The following ERBB4 variants were observed in gnomAD, a reference collection of about 807,000 sequenced individuals.
ERBB4 encodes receptor tyrosine-protein kinase erbB-4.
Under a neutral mutation model 158.0 loss-of-function variants are expected in ERBB4, and 42 were observed. That is an observed-to-expected ratio of 0.27 (90% CI 0.21 to 0.34). ERBB4 has a LOEUF of 0.34. ERBB4 is among the 10% of genes least tolerant of loss of function. The probability of loss-of-function intolerance (pLI) is 1.00; values close to 1 mark genes in which losing one functional copy is unlikely to be tolerated. For synonymous variants in ERBB4, 583 were observed against 558.7 expected (o/e 1.04, Z -0.61); for missense variants, 1,333 against 1,624.1 (o/e 0.82, Z 3.08).
intron 20 of ERBB4, among the ~76,000 whole-genome samples, chr2:211,538,785 C>G (rs2066721729): frequency 1.3e-5 from 2 of 151,750 alleles, no homozygotes; most frequent in Non-Finnish European, 2.9e-5. Flanking sequence ...GATGTGACAT[C>G]CAGGGAATCT....
chr2:211,451,721 A>G (rs768402951), intron 20 of ERBB4, among the ~76,000 whole-genome samples: 1 of 152,206 alleles, frequency 6.6e-6, no homozygotes, highest in African/African-American at 2.4e-5. Context: ...AGACCTTCCA[A>G]TAAGAAGGGT....
chr2:212,495,539 C>CA (rs1283555652), intron 1 of ERBB4, among the ~76,000 whole-genome samples: 6 of 152,150 alleles, frequency 3.9e-5, no homozygotes, highest in Admixed American at 6.6e-5. Flanking sequence ...TTTGTATTGA[C>CA]AAAAAAAGTA....
intron 4 of ERBB4, among the ~76,000 whole-genome samples, chr2:211,765,635 A>T (rs985981575): frequency 1.3e-5 from 2 of 152,182 alleles, no homozygotes; most frequent in African/African-American, 4.8e-5. Context: ...ATACAACTAT[A>T]AGGACCCTTA....
intron 1 of ERBB4, among the ~76,000 whole-genome samples, chr2:212,441,613 T>A (rs181621414): frequency 2.6e-5 from 4 of 152,220 alleles, no homozygotes; most frequent in African/African-American, 9.6e-5. Flanking sequence ...GGAAGGAACA[T>A]AGAGTTGGAT....
At chr2:212,531,514 A>T (rs1304857295) in intron 1 of ERBB4, among the ~76,000 whole-genome samples, 1 of 152,224 alleles carries the variant, frequency 6.6e-6, no homozygotes, top group East Asian at 1.9e-4. Flanking sequence ...TTATCATTTC[A>T]TGTCATATCT....
intron 2 of ERBB4, among the ~76,000 whole-genome samples, chr2:211,950,033 G>A (rs559651168): frequency 1.3e-5 from 2 of 152,130 alleles, no homozygotes; most frequent in South Asian, 2.1e-4. Context: ...TATCACTCCG[G>A]CCCTTCTCTG....
chr2:211,473,208 G>C (rs1242050895), intron 20 of ERBB4, among the ~76,000 whole-genome samples: 2 of 151,980 alleles, frequency 1.3e-5, no homozygotes, highest in Admixed American at 1.3e-4. Context: ...TGTGAAGATA[G>C]AGGCAAAGAT....
chr2:212,015,258 A>G (rs1180863007), intron 2 of ERBB4, among the ~76,000 whole-genome samples: 3 of 150,118 alleles, frequency 2.0e-5, no homozygotes, highest in Non-Finnish European at 3.0e-5. Context: ...AGAGCGAGAC[A>G]CTGTCTCAAT....
intron 2 of ERBB4, among the ~76,000 whole-genome samples, chr2:211,979,195 G>A (rs2081719915): frequency 6.6e-6 from 1 of 152,150 alleles, no homozygotes; most frequent in Non-Finnish European, 1.5e-5. Flanking sequence ...CATGAGTTAT[G>A]TTTATACAAA....
At chr2:211,431,185 T>G in intron 20 of ERBB4, 85 bp from the exon 21 acceptor site, 2 of 1,243,862 alleles carry the variant, frequency 1.6e-6, no homozygotes, top group Non-Finnish European at 2.3e-6. Context: ...TAGCCTTCAG[T>G]TGGAAGTGCC....
At chr2:211,549,817 C>A (rs113088336) in intron 20 of ERBB4, among the ~76,000 whole-genome samples, 3 of 152,242 alleles carry the variant, frequency 2.0e-5, no homozygotes, top group African/African-American at 7.2e-5. Context: ...GGGAGTGAAC[C>A]AGCAGTACCT....
intron 4 of ERBB4, among the ~76,000 whole-genome samples, chr2:211,787,300 GA>G (rs1384361451): frequency 6.6e-6 from 1 of 152,116 alleles, no homozygotes; most frequent in East Asian, 1.9e-4. Flanking sequence ...CCTGCTTTAT[GA>G]AAATGAAACA....
At chr2:212,397,344 G>A (rs1045180862) in intron 1 of ERBB4, among the ~76,000 whole-genome samples, 8 of 152,022 alleles carry the variant, frequency 5.3e-5, no homozygotes, top group East Asian at 3.9e-4. Context: ...ATGGTGGCAC[G>A]CTCCTGCAGT....
chr2:211,617,799 A>T (rs1391638824), intron 19 of ERBB4, among the ~76,000 whole-genome samples: 1 of 152,106 alleles, frequency 6.6e-6, no homozygotes, highest in Admixed American at 6.6e-5. Flanking sequence ...TAAAAAAATC[A>T]GAGTGCATAT....
chr2:212,384,535 C>T (rs1380315037), intron 1 of ERBB4, among the ~76,000 whole-genome samples: 1 of 151,580 alleles, frequency 6.6e-6, no homozygotes, highest in African/African-American at 2.4e-5. Context: ...AGCAGAGAAA[C>T]TTATGAAAAG....
At chr2:211,524,674 C>CTCCGGCT (rs1185583504) in intron 20 of ERBB4, among the ~76,000 whole-genome samples, 1 of 135,238 alleles carries the variant, frequency 7.4e-6, no homozygotes, top group African/African-American at 3.3e-5. Flanking sequence ...GCTCCGAGTG[C>CTCCGGCT]GGGGCCGCCA....
At chr2:212,081,073 C>T (rs777653957) in intron 2 of ERBB4, among the ~76,000 whole-genome samples, 1 of 152,202 alleles carries the variant, frequency 6.6e-6, no homozygotes, top group Non-Finnish European at 1.5e-5. Context: ...GAAGCCCTCA[C>T]ACAAAGTTAT....
chr2:212,133,139 A>G (rs1329026120), intron 1 of ERBB4, among the ~76,000 whole-genome samples: 1 of 151,928 alleles, frequency 6.6e-6, no homozygotes, highest in African/African-American at 2.4e-5. Context: ...AAACACATTT[A>G]TGTTTATTCA....
intron 1 of ERBB4, among the ~76,000 whole-genome samples, chr2:212,468,657 G>T (rs1688964672): frequency 6.6e-6 from 1 of 152,172 alleles, no homozygotes; most frequent in Non-Finnish European, 1.5e-5. Flanking sequence ...AATACACTCA[G>T]TTTCTCAAGG....
Sources: gnomAD v4.1 joint callset for allele counts (sites outside exome capture counted in the v4.1 genomes callset) on GRCh38, gnomAD v4.1.1 for gene constraint, MANE v1.5 for transcripts, NCBI Gene and HGNC (gene_info 2026-07-23, HGNC 2026-07-21) for gene names.